The following NOL10 variants were observed in gnomAD, a reference collection of about 807,000 sequenced individuals.
NOL10 encodes H_NH0074G24.1.
A neutral mutation model predicts 103.5 loss-of-function variants in NOL10; 58 were observed. The observed-to-expected ratio is 0.56, with a 90% CI of 0.45 to 0.70. The LOEUF (loss-of-function observed/expected upper bound fraction) is 0.70, where lower values mean the gene tolerates loss of function less well. NOL10 is among the 30% of genes least tolerant of loss of function. The pLI is 0.00. For synonymous variants in NOL10, 287 were observed against 282.5 expected (o/e 1.02, Z -0.16); for missense variants, 763 against 807.3 (o/e 0.95, Z 0.67).
At chr2:10,643,676 A>G (rs1406884846) in intron 13 of NOL10, among the ~76,000 whole-genome samples, 3 of 152,032 alleles carry the variant, frequency 2.0e-5, no homozygotes, top group Non-Finnish European at 4.4e-5. Context: ...TAGTGAGATG[A>G]CTTGAAGAGT....
chr2:10,605,758 C>T (rs1676221502), intron 14 of NOL10, among the ~76,000 whole-genome samples: 1 of 152,126 alleles, frequency 6.6e-6, no homozygotes, highest in African/African-American at 2.4e-5. Context: ...GTTGGAGACA[C>T]TTAAGAAGGC....
rs1558270728 is a variant in NOL10 at position 10,587,216 on chromosome 2, TAC to T, written c.1844+1825_1844+1826del. Among the ~76,000 whole-genome samples, 10 of 33,272 alleles carry T rather than the reference TAC, an allele frequency of 3.0e-4. 2 individuals carry two copies. Among genetic ancestry groups the T allele is most frequent in the Non-Finnish European group, 3.9e-4 (8 of 20,724 alleles). 21.8% of individuals were successfully genotyped at this position (33,272 alleles called of 152,430 possible). On this transcript the variant is annotated intron_variant, in intron 19 of 20. Transcript: ENST00000381685. ...ACACATATATATACACATATATATATACATATATATACATATATATATACATA... is the reference window on the plus strand; with the variant it reads ...ACACATATATATACACATATATATATATATATATACATATATATATACATA...
chr2:10,630,591 T>C (rs1415733098), intron 13 of NOL10, among the ~76,000 whole-genome samples: 2 of 152,124 alleles, frequency 1.3e-5, no homozygotes, highest in Non-Finnish European at 2.9e-5. Context: ...GGCAGGTGCC[T>C]GTAGTCCCAG....
At chr2:10,661,645 A>G (rs1317995354) in intron 9 of NOL10, among the ~76,000 whole-genome samples, 21 of 152,180 alleles carry the variant, frequency 1.4e-4, no homozygotes, top group Admixed American at 1.3e-3. Context: ...TGCTGGGATT[A>G]CAGGTGTGAG....
chr2:10,675,140 C>T (rs913025597), intron 4 of NOL10, among the ~76,000 whole-genome samples: 1 of 151,944 alleles, frequency 6.6e-6, no homozygotes, highest in African/African-American at 2.4e-5. Context: ...GAGTTCAAGG[C>T]TACAGTAAAC....
At chr2:10,605,758 CTTAAGAAGGCACTGCA>C (rs1676221700) in intron 14 of NOL10, among the ~76,000 whole-genome samples, 1 of 152,128 alleles carries the variant, frequency 6.6e-6, no homozygotes, top group Admixed American at 6.5e-5. Flanking sequence ...GTTGGAGACA[CTTAAGAAGGCACTGCA>C]GTAAGAAGGT....
At chr2:10,682,503 G>A (rs1033051453) in intron 2 of NOL10, among the ~76,000 whole-genome samples, 4 of 148,904 alleles carry the variant, frequency 2.7e-5, no homozygotes, top group East Asian at 4.0e-4. Flanking sequence ...GGGCTGAAGC[G>A]ATCCTCACAC....
In NOL10 at chr2:10,570,786, T is replaced by C. The variant is rs2148130644; in HGVS notation, c.*1285A>G. On this transcript the variant is annotated 3_prime_UTR_variant, in exon 21 of 21. Transcript: ENST00000381685. Reference sequence around the variant, plus strand: ...AGCTATTCAAATGAAAGTATATTTATTTTTATAAATGTTTCCTCCAGTAAG... The same window carrying C: ...AGCTATTCAAATGAAAGTATATTTACTTTTATAAATGTTTCCTCCAGTAAG... 1 of 152,206 alleles carries C rather than the reference T, an allele frequency of 6.6e-6. No individual in the cohort carries two copies. The allele number at this position is 152,206 out of a possible 1,614,324, so 9.4% of individuals were successfully genotyped here. A position where few individuals can be genotyped will look rare whatever the true frequency, so the allele number is the denominator to read the frequency against.
chr2:10,665,463 A>T (rs1162588310), intron 8 of NOL10, among the ~76,000 whole-genome samples: 1 of 152,328 alleles, frequency 6.6e-6, no homozygotes, highest in Non-Finnish European at 1.5e-5. Flanking sequence ...CTGAGATGTA[A>T]TATGAAAATC....
intron 3 of NOL10, among the ~76,000 whole-genome samples, chr2:10,677,221 T>C (rs187426552): frequency 2.0e-5 from 3 of 152,240 alleles, no homozygotes; most frequent in African/African-American, 4.8e-5. Context: ...TTACAGGAGT[T>C]AGCCACCATG....
intron 6 of NOL10, 75 bp from the exon 7 acceptor site, chr2:10,668,798 A>C: frequency 5.2e-6 from 3 of 579,512 alleles, no homozygotes; most frequent in Non-Finnish European, 8.6e-6. Context: ...TTTTATAAAT[A>C]TATATATTAC....
intron 3 of NOL10, among the ~76,000 whole-genome samples, chr2:10,680,641 A>G (rs1219262026): frequency 6.6e-6 from 1 of 152,200 alleles, no homozygotes. Flanking sequence ...TTCTGAACAT[A>G]AAACTGAAGG....
chr2:10,612,455 T>C (rs1676621588), intron 13 of NOL10, among the ~76,000 whole-genome samples: 1 of 152,194 alleles, frequency 6.6e-6, no homozygotes, highest in African/African-American at 2.4e-5. Context: ...AAGAAAATAA[T>C]TGATAACATA....
intron 1 of NOL10, among the ~76,000 whole-genome samples, chr2:10,686,597 C>G (rs1682227704): frequency 1.3e-5 from 2 of 152,312 alleles, no homozygotes; most frequent in East Asian, 3.9e-4. Flanking sequence ...AACTGAGAAA[C>G]TGCTTAGAAG....
chr2:10,574,312 T>G (rs1674338186), intron 20 of NOL10, among the ~76,000 whole-genome samples: 1 of 148,498 alleles, frequency 6.7e-6, no homozygotes, highest in Non-Finnish European at 1.5e-5. Flanking sequence ...TTACTCAATA[T>G]TTCGATTCTT....
At chr2:10,600,814 A>G in intron 17 of NOL10, 39 bp downstream of exon 17, 1 of 1,330,106 alleles carries the variant, frequency 7.5e-7, no homozygotes. Flanking sequence ...TACTATCAAC[A>G]AAACGCAGAA....
chr2:10,617,133 G>A (rs1676879012), intron 13 of NOL10, among the ~76,000 whole-genome samples: 1 of 152,164 alleles, frequency 6.6e-6, no homozygotes, highest in Non-Finnish European at 1.5e-5. Flanking sequence ...AAGGAGAGAA[G>A]GCAATGAAGA....
At chr2:10,595,144 CAGAGAGAGAGAGAG>C (rs77723934) in intron 17 of NOL10, among the ~76,000 whole-genome samples, 31,938 of 123,974 alleles carry the variant, frequency 0.26, 5,218 homozygotes, top group African/African-American at 0.48. Flanking sequence ...GGGGAGGGGG[CAGAGAGAGAGAGAG>C]AGAGAGAGAG....
intron 9 of NOL10, among the ~76,000 whole-genome samples, chr2:10,660,476 C>A (rs1444079935): frequency 6.6e-6 from 1 of 152,048 alleles, no homozygotes; most frequent in African/African-American, 2.4e-5. Flanking sequence ...GCCACCACTC[C>A]CAGCTAATTT....
Sources: gnomAD v4.1 joint callset for allele counts (sites outside exome capture counted in the v4.1 genomes callset) on GRCh38, gnomAD v4.1.1 for gene constraint, MANE v1.5 for transcripts, NCBI Gene and HGNC (gene_info 2026-07-23, HGNC 2026-07-21) for gene names.